DOCK10: variants seen among roughly 807,000 people sequenced by gnomAD.
The protein encoded by DOCK10 is dedicator of cytokinesis 10, also known as dedicator of cytokinesis protein 10.
DOCK10 carries 145 observed loss-of-function variants against 280.1 expected under a neutral mutation model. The ratio of observed to expected loss-of-function variants is 0.52; its 90% CI spans 0.45 to 0.59. The LOEUF is 0.59. Among genes scored for constraint, DOCK10 ranks in the 20% least tolerant of loss-of-function variants. The probability of loss-of-function intolerance (pLI) is 0.00; values close to 1 mark genes in which losing one functional copy is unlikely to be tolerated. For missense variants in DOCK10, 2,368 were observed against 2,651.7 expected (o/e 0.89, Z 2.35); for synonymous variants, 915 against 942.2 (o/e 0.97, Z 0.53).
chr2:224,780,856 A>G (rs1193491124), intron 50 of DOCK10, among the ~76,000 whole-genome samples: 1 of 151,592 alleles, frequency 6.6e-6, no homozygotes, highest in Non-Finnish European at 1.5e-5. Flanking sequence ...GCCAAGTTCG[A>G]GCCACTGCAC....
At chr2:224,911,502 C>T (rs961903761) in intron 3 of DOCK10, among the ~76,000 whole-genome samples, 8 of 152,178 alleles carry the variant, frequency 5.3e-5, no homozygotes, top group African/African-American at 1.9e-4. Flanking sequence ...AGTAGCTACA[C>T]TTGAAACTTG....
intron 24 of DOCK10, among the ~76,000 whole-genome samples, chr2:224,838,271 A>C (rs758077135): frequency 2.0e-4 from 31 of 152,214 alleles, no homozygotes; most frequent in Admixed American, 9.2e-4. Context: ...ACCTATAGGC[A>C]CTATATATGC....
Position 225,008,162 on chromosome 2 carries a change from C to T in DOCK10, c.123+34090G>A, listed in dbSNP as rs1000781299. The stretch of plus-strand genomic sequence containing the variant: ...GGGATTAGTCTTCTTGTCATTCATT[C>T]ATAAACTTTTTATTTCTTTAGAGAT... On this transcript the variant is annotated intron_variant, in intron 1 of 55. Coordinates refer to ENST00000258390, the MANE Select transcript of DOCK10 (RefSeq NM_014689.3). 4.1e-4 allele frequency among the ~76,000 whole-genome samples: 63 copies of T among 152,088 alleles called. 1 individual carries two copies.
intron 1 of DOCK10, among the ~76,000 whole-genome samples, chr2:225,023,931 G>C (rs1245124630): frequency 5.3e-5 from 8 of 152,182 alleles, no homozygotes; most frequent in Non-Finnish European, 1.0e-4. Flanking sequence ...TAACTTTACA[G>C]AGGAGCAATC....
chr2:224,804,806 C>G lies in DOCK10; in HGVS notation c.4154G>C (p.Arg1385Pro). 6.6e-7 allele frequency: 1 copy of G among 1,507,556 alleles called. No homozygotes were observed. The highest frequency in any genetic ancestry group is 1.3e-5 in the South Asian group (1 of 74,628). 93.4% of individuals were successfully genotyped at this position (1,507,556 alleles called of 1,614,324 possible). A position where few individuals can be genotyped will look rare whatever the true frequency, so the allele number is the denominator to read the frequency against. ...CLQNFRYLGK[R>P]NIIRKIAAAF... ...TTAAAATTAGTACCTTATTATGTTG[C>G]GTTTTCCTAGGTATCTGAAATTTTG... Residue 1385 changes from arginine to proline, a missense_variant, in exon 38 of 56, where the codon CGC (arginine) becomes CCC (proline). By Grantham distance (103) the Arg-to-Pro change is moderately radical (BLOSUM62 -2). Coordinates refer to ENST00000258390, the MANE Select transcript of DOCK10 (RefSeq NM_014689.3).
chr2:224,965,653 G>A (rs1206856059), intron 1 of DOCK10, among the ~76,000 whole-genome samples: 3 of 152,040 alleles, frequency 2.0e-5, no homozygotes, highest in East Asian at 1.9e-4. Context: ...CCTTTCTATC[G>A]TTTAGAGAGC....
At chr2:224,845,907 A>G (rs1488623731) in intron 19 of DOCK10, among the ~76,000 whole-genome samples, 1 of 152,182 alleles carries the variant, frequency 6.6e-6, no homozygotes. Context: ...TATTTTTAGT[A>G]GAGACGGGGT....
chr2:224,892,442 A>G (rs1699749291), intron 4 of DOCK10, among the ~76,000 whole-genome samples: 1 of 150,026 alleles, frequency 6.7e-6, no homozygotes, highest in Non-Finnish European at 1.5e-5. Flanking sequence ...AAAAGAAAAG[A>G]AAAGAAAAAA....
At chr2:224,842,014 C>T in intron 22 of DOCK10, 118 bp from the exon 23 acceptor site, 1 of 732,618 alleles carries the variant, frequency 1.4e-6, no homozygotes. Context: ...AGTGCAAATG[C>T]TTTATTAAGG....
chr2:224,918,517 T>C (rs932861174), intron 2 of DOCK10, among the ~76,000 whole-genome samples: 1 of 137,928 alleles, frequency 7.3e-6, no homozygotes, highest in African/African-American at 2.6e-5. Flanking sequence ...CGTGTATGTG[T>C]AGTGTTAGAG....
At chr2:224,973,691 C>T (rs1310876868) in intron 1 of DOCK10, among the ~76,000 whole-genome samples, 1 of 152,102 alleles carries the variant, frequency 6.6e-6, no homozygotes. Flanking sequence ...AAACTAAGTT[C>T]GTGGTCATTT....
chr2:224,901,172 A>T (rs1011594209), intron 3 of DOCK10, among the ~76,000 whole-genome samples: 1 of 152,248 alleles, frequency 6.6e-6, no homozygotes, highest in Non-Finnish European at 1.5e-5. Flanking sequence ...GGAGATCATT[A>T]AAAACTATTA....
rs1701347018 is a variant in DOCK10 at position 224,916,703 on chromosome 2, C to T, written c.325G>A (p.Val109Ile). 1.2e-6 allele frequency: 2 copies of T among 1,607,668 alleles called. No homozygotes were observed. Among genetic ancestry groups the T allele is most frequent in the Non-Finnish European group, 1.7e-6 (2 of 1,176,406 alleles). ...GGAAGCATCACATTTACCTCCTTAA[C>T]CAGTAAATTTTCTGCCTTGTGCTCT... ...DAEHKAENLL[V>I]KEACKFYSSQ... The change falls in exon 3 of 56, where the codon GTT (valine) becomes ATT (isoleucine). Residue 109 changes from valine to isoleucine, a missense_variant. Coordinates refer to ENST00000258390, the MANE Select transcript of DOCK10 (RefSeq NM_014689.3).
chr2:225,030,816 A>G (rs750751134), intron 1 of DOCK10, among the ~76,000 whole-genome samples: 52 of 152,204 alleles, frequency 3.4e-4, no homozygotes, highest in Non-Finnish European at 6.2e-4. Flanking sequence ...TGTATTGTAT[A>G]AAGTTGTAAA....
chr2:224,923,853 G>A (rs754073276), intron 2 of DOCK10, among the ~76,000 whole-genome samples: 24 of 152,174 alleles, frequency 1.6e-4, no homozygotes, highest in Non-Finnish European at 3.2e-4. Context: ...CCTGAATGCT[G>A]TTATTTACTC....
rs1307354743 is a variant in DOCK10, at chr2:224,932,356, C to T, written c.124-688G>A. Among the ~76,000 whole-genome samples the T allele has an allele frequency of 3.9e-5, 6 of 152,244 alleles. No homozygotes were observed. The East Asian group carries it at 5.8e-4, about 15-fold the overall frequency. ...ATGTGCTCCCCTCAAAGAAGCCCCT[C>T]ATAGTGCCAAAAATAAAAATAAAAT... On this transcript the variant is annotated intron_variant, in intron 1 of 55. Transcript: ENST00000258390.
chr2:224,778,057 G>GA, intron 51 of DOCK10, 81 bp downstream of exon 51: 1 of 1,397,752 alleles, frequency 7.2e-7, no homozygotes, highest in Non-Finnish European at 9.8e-7. Context: ...TCGTCAGGCA[G>GA]AAAATGAAAA....
In DOCK10 at chr2:224,774,960, C is replaced by A; in HGVS notation, c.5958G>T (p.Ser1986=). ...RFVFETPFTL[S]GKKHGGVAEQ... ...CCGCCACCCCACCGTGCTTCTTGCCCGACAGCGTGAAGGGTGTCTCGAAGA... is the reference window on the plus strand; with the variant it reads ...CCGCCACCCCACCGTGCTTCTTGCCAGACAGCGTGAAGGGTGTCTCGAAGA... Residue 1986 remains serine, a synonymous_variant, in exon 52 of 56, where the codon TCG becomes TCT. Coordinates refer to ENST00000258390, the MANE Select transcript of DOCK10 (RefSeq NM_014689.3). 1.2e-6 allele frequency: 2 copies of A among 1,610,854 alleles called. No homozygotes were observed. Among genetic ancestry groups the A allele is most frequent in the Non-Finnish European group, 8.5e-7 (1 of 1,178,504 alleles).
intron 3 of DOCK10, among the ~76,000 whole-genome samples, chr2:224,913,832 A>G (rs1323356194): frequency 6.6e-6 from 1 of 152,084 alleles, no homozygotes; most frequent in African/African-American, 2.4e-5. Flanking sequence ...GGTTCACACC[A>G]TTCTCTGGCC....
Sources: gnomAD v4.1 joint callset for allele counts (sites outside exome capture counted in the v4.1 genomes callset) on GRCh38, gnomAD v4.1.1 for gene constraint, MANE v1.5 for transcripts, NCBI Gene and HGNC (gene_info 2026-07-23, HGNC 2026-07-21) for gene names.